Variants in NELL1 observed in about 807,000 individuals in gnomAD.
The protein encoded by NELL1 is neural EGFL like 1, also known as protein kinase C-binding protein NELL1.
In NELL1, 76 loss-of-function variants were observed where a neutral mutation model predicts 107.4. The observed-to-expected ratio is 0.71, with a 90% CI of 0.59 to 0.86. The LOEUF is 0.86. Among genes scored for constraint, NELL1 ranks in the 40% least tolerant of loss-of-function variants. NELL1 has a pLI of 0.00. For synonymous variants in NELL1, 353 were observed against 341.2 expected (o/e 1.03, Z -0.38); for missense variants, 1,024 against 1,005.5 (o/e 1.02, Z -0.25).
At chr11:20,727,643 T>G (rs1200765246) in intron 2 of NELL1, among the ~76,000 whole-genome samples, 2 of 152,240 alleles carry the variant, frequency 1.3e-5, no homozygotes, top group African/African-American at 2.4e-5. Context: ...GCCATTGCTT[T>G]TGGTATTTTA....
chr11:20,766,683 T>C (rs1331445584), intron 2 of NELL1, among the ~76,000 whole-genome samples: 1 of 152,194 alleles, frequency 6.6e-6, no homozygotes, highest in East Asian at 1.9e-4. Flanking sequence ...AAAAATCATT[T>C]CTTATTTTGA....
At chr11:21,320,685 G>T (rs1849988958) in intron 14 of NELL1, among the ~76,000 whole-genome samples, 1 of 152,130 alleles carries the variant, frequency 6.6e-6, no homozygotes, top group Non-Finnish European at 1.5e-5. Flanking sequence ...AATAGCGAAA[G>T]CCCCCACATT....
intron 16 of NELL1, among the ~76,000 whole-genome samples, chr11:21,538,398 G>T (rs1856196338): frequency 6.6e-6 from 1 of 152,098 alleles, no homozygotes; most frequent in Admixed American, 6.6e-5. Flanking sequence ...TTCTCTTAAA[G>T]TGTAACATAT....
chr11:21,297,612 C>G (rs1291333417), intron 14 of NELL1, among the ~76,000 whole-genome samples: 2 of 152,012 alleles, frequency 1.3e-5, no homozygotes, highest in East Asian at 1.9e-4. Context: ...TTACTTGTCT[C>G]TCAATGTTCT....
At position 20,701,890 on chromosome 11, in the gene NELL1, C is replaced by T. The variant is rs1206742865; in HGVS notation, c.184+23830C>T. On this transcript the variant is annotated intron_variant, in intron 2 of 19. Transcript: ENST00000357134. ...TATATCTCTGTTTTGGTACCAGTAC[C>T]ATGCTGTTTTGGTTACTGTAGCCTT... Among the ~76,000 whole-genome samples, 6 of 152,248 alleles carry T rather than the reference C, an allele frequency of 3.9e-5. No individual in the cohort carries two copies. In the South Asian group the frequency reaches 1.0e-3, roughly 26 times the overall value.
chr11:20,755,436 T>C lies in NELL1; in HGVS notation c.185-28244T>C, dbSNP rs115245803. On this transcript the variant is annotated intron_variant, in intron 2 of 19. Transcript: ENST00000357134. ...CCAAAACTGAAAGGATGGAATTTCA[T>C]AGGGGTTAATATAAAGTTCTTCCAA... Among the ~76,000 whole-genome samples, 572 of 152,158 alleles carry C rather than the reference T, an allele frequency of 3.8e-3. 2 individuals carry two copies. Among genetic ancestry groups the C allele is most frequent in the African/African-American group, 0.013 (540 of 41,504 alleles).
intron 12 of NELL1, among the ~76,000 whole-genome samples, chr11:21,096,746 A>T (rs370759004): frequency 6.6e-6 from 1 of 151,772 alleles, no homozygotes; most frequent in South Asian, 2.1e-4. Flanking sequence ...CTCTTTTTTG[A>T]TACGGGGTCT....
chr11:21,240,630 A>C (rs1186737954), intron 14 of NELL1, among the ~76,000 whole-genome samples: 1 of 152,026 alleles, frequency 6.6e-6, no homozygotes, highest in Non-Finnish European at 1.5e-5. Context: ...TACATTAACA[A>C]GATTGGGGCA....
intron 10 of NELL1, among the ~76,000 whole-genome samples, chr11:20,944,958 T>C (rs189391647): frequency 7.5e-4 from 114 of 152,340 alleles, no homozygotes; most frequent in African/African-American, 2.6e-3. Flanking sequence ...TAATATTTTG[T>C]TTTTACAAAA....
intron 5 of NELL1, among the ~76,000 whole-genome samples, chr11:20,898,687 T>C (rs970574673): frequency 2.0e-5 from 3 of 152,132 alleles, no homozygotes; most frequent in African/African-American, 7.2e-5. Context: ...TTAATTTGCA[T>C]TTCCCTGATA....
intron 12 of NELL1, among the ~76,000 whole-genome samples, chr11:21,010,164 T>C (rs943087091): frequency 6.6e-6 from 1 of 152,084 alleles, no homozygotes; most frequent in African/African-American, 2.4e-5. Context: ...ATGTGTTACA[T>C]GGCTTGTGAT....
chr11:20,927,104 C>T (rs778450103), intron 7 of NELL1: 1 of 526,338 alleles, frequency 1.9e-6, no homozygotes, highest in African/African-American at 1.9e-5. Context: ...TAGACCATGA[C>T]AGCCAATATT....
Position 21,191,800 on chromosome 11 carries a change from C to T in NELL1, c.1427-37532C>T, listed in dbSNP as rs558494320. 4.6e-5 allele frequency among the ~76,000 whole-genome samples: 7 copies of T among 151,952 alleles called. No individual in the cohort carries two copies. In the South Asian group the frequency reaches 6.2e-4, roughly 13 times the overall value. Reference sequence around the variant, plus strand: ...TATGGTTTCAGACAAAATGAGGACACGAGTAACTTCCTGCCTTTCTTATAA... The same window carrying T: ...TATGGTTTCAGACAAAATGAGGACATGAGTAACTTCCTGCCTTTCTTATAA... On this transcript the variant is annotated intron_variant, in intron 13 of 19. Transcript: ENST00000357134.
At chr11:21,068,671 G>C (rs1853938858) in intron 12 of NELL1, among the ~76,000 whole-genome samples, 1 of 152,176 alleles carries the variant, frequency 6.6e-6, no homozygotes, top group African/African-American at 2.4e-5. Context: ...TGAGCAAAAA[G>C]GCCAGTCCAC....
At chr11:20,990,871 C>G (rs1056442533) in intron 12 of NELL1, among the ~76,000 whole-genome samples, 1 of 152,140 alleles carries the variant, frequency 6.6e-6, no homozygotes, top group Non-Finnish European at 1.5e-5. Context: ...GGGGAGAAGT[C>G]CTGCTCAACA....
chr11:20,889,428 T>A (rs1252504232), intron 5 of NELL1, among the ~76,000 whole-genome samples: 1 of 152,044 alleles, frequency 6.6e-6, no homozygotes, highest in Admixed American at 6.5e-5. Context: ...ATAAAGACAT[T>A]AGTAGAGAAA....
intron 14 of NELL1, among the ~76,000 whole-genome samples, chr11:21,286,728 G>A (rs762004381): frequency 6.6e-6 from 1 of 152,156 alleles, no homozygotes; most frequent in South Asian, 2.1e-4. Context: ...GTGACACCTA[G>A]TACACCATAG....
Position 20,919,323 on chromosome 11 carries a change from A to G in NELL1, c.748A>G (p.Met250Val), listed in dbSNP as rs1158679148. The change falls in exon 7 of 20, where the codon ATG (methionine) becomes GTG (valine). Residue 250 changes from methionine (M) to valine (V), a missense_variant. Transcript: ENST00000357134. The stretch of plus-strand genomic sequence containing the variant: ...GGATTTACAAGAGCTTTTGGCCAAG[A>G]TGACTGCAAAAGTAGGTATCTAAAT... ...IMDLQELLAK[M>V]TAKLNYAETR... is the part of the protein sequence containing the mutation. 3.8e-6 allele frequency: 6 copies of G among 1,592,330 alleles called. No homozygotes were observed. The highest frequency in any genetic ancestry group is 5.2e-6 in the Non-Finnish European group (6 of 1,163,298).
At chr11:21,363,082 A>G (rs1565188286) in intron 14 of NELL1, among the ~76,000 whole-genome samples, 1 of 152,140 alleles carries the variant, frequency 6.6e-6, no homozygotes, top group Non-Finnish European at 1.5e-5. Context: ...TCCTATCTAC[A>G]GATGCTCCCA....
Sources: gnomAD v4.1 joint callset for allele counts (sites outside exome capture counted in the v4.1 genomes callset) on GRCh38, gnomAD v4.1.1 for gene constraint, MANE v1.5 for transcripts, NCBI Gene and HGNC (gene_info 2026-07-23, HGNC 2026-07-21) for gene names.